ELF1: variants seen among roughly 807,000 people sequenced by gnomAD.
ELF1 encodes the protein E74 like ETS transcription factor 1, also known as ETS-related transcription factor Elf-1.
In ELF1, 24 loss-of-function variants were observed where a neutral mutation model predicts 59.9. That is an observed-to-expected ratio of 0.40 (90% CI 0.29 to 0.56). ELF1 has a LOEUF of 0.56. ELF1 is among the 20% of genes least tolerant of loss of function. The probability of loss-of-function intolerance (pLI) is 0.44; values close to 1 mark genes in which losing one functional copy is unlikely to be tolerated. For missense variants in ELF1, 627 were observed against 742.2 expected, an observed-to-expected ratio of 0.84 and a Z score of 1.80; for synonymous variants, 248 against 266.2, an observed-to-expected ratio of 0.93 and a Z score of 0.67.
At chr13:41,035,638 T>A (rs1876343142) in intron 1 of ELF1, among the ~76,000 whole-genome samples, 1 of 150,526 alleles carries the variant, frequency 6.6e-6, no homozygotes, top group Non-Finnish European at 1.5e-5. Flanking sequence ...TGACCCAGGG[T>A]CTATACCTCA....
upstream of ELF1, among the ~76,000 whole-genome samples, chr13:41,024,025 A>G (rs1400549344): frequency 6.6e-6 from 1 of 152,254 alleles, no homozygotes; most frequent in Non-Finnish European, 1.5e-5. Context: ...TGATATTAAA[A>G]ATAACCAAGA....
At chr13:41,051,668 TAAGATTAAACTGCAAATA>T (rs1877093578) in intron 1 of ELF1, among the ~76,000 whole-genome samples, 1 of 152,030 alleles carries the variant, frequency 6.6e-6, no homozygotes, top group South Asian at 2.1e-4. Context: ...CTTTAAGTAA[TAAGATTAAACTGCAAATA>T]AAGATTTACG....
intron 1 of ELF1, among the ~76,000 whole-genome samples, chr13:41,011,946 A>C (rs989997505): frequency 6.6e-6 from 1 of 152,132 alleles, no homozygotes; most frequent in Non-Finnish European, 1.5e-5. Context: ...CTACCGGTCA[A>C]ATTAAACATT....
chr13:40,937,957 C>T (rs1349948189), intron 8 of ELF1, among the ~76,000 whole-genome samples: 1 of 152,096 alleles, frequency 6.6e-6, no homozygotes, highest in Non-Finnish European at 1.5e-5. Context: ...GCTAGGATTA[C>T]AGGTGCCTGC....
At chr13:41,053,385 A>T (rs995289685) in intron 1 of ELF1, among the ~76,000 whole-genome samples, 1 of 152,102 alleles carries the variant, frequency 6.6e-6, no homozygotes, top group Non-Finnish European at 1.5e-5. Flanking sequence ...CATTAACATT[A>T]TATTTGACCA....
At chr13:41,006,191 AC>A (rs1233519769) in intron 1 of ELF1, among the ~76,000 whole-genome samples, 2 of 140,862 alleles carry the variant, frequency 1.4e-5, no homozygotes, top group African/African-American at 5.0e-5. Context: ...GTATTTTTCA[AC>A]CAGAAGGATC....
chr13:41,030,108 G>C (rs1186877079), intron 1 of ELF1, among the ~76,000 whole-genome samples: 1 of 151,620 alleles, frequency 6.6e-6, no homozygotes, highest in Non-Finnish European at 1.5e-5. Flanking sequence ...AAAGCTATAG[G>C]TTAGAAAAGC....
chr13:40,941,325 G>A lies in ELF1; in HGVS notation c.852C>T (p.Arg284=), dbSNP rs201199410. 5 of 1,610,166 alleles carry A rather than the reference G, an allele frequency of 3.1e-6. No individual in the cohort carries two copies. In the East Asian group the frequency reaches 8.9e-5, roughly 29 times the overall value. ...GCATTTCTTTAAACTGATACACCAA[G>A]CGCTGACCTTCCACTTTTGCCAGAA... is the stretch of plus-strand genomic sequence containing the variant. ...RGILAKVEGQ[R]LVYQFKEMPK... Residue 284 remains arginine (R), a synonymous_variant, in exon 8 of 9, where the codon CGC becomes CGT. Coordinates refer to ENST00000239882, the MANE Select transcript of ELF1 (RefSeq NM_172373.4).
intron 2 of ELF1, among the ~76,000 whole-genome samples, chr13:40,966,280 T>C (rs993184976): frequency 6.6e-6 from 1 of 152,216 alleles, no homozygotes; most frequent in African/African-American, 2.4e-5. Context: ...AATTTTCAAT[T>C]GTTTCATAAC....
intron 1 of ELF1, among the ~76,000 whole-genome samples, chr13:41,037,260 T>C (rs981077886): frequency 5.9e-5 from 9 of 152,308 alleles, no homozygotes; most frequent in African/African-American, 2.2e-4. Context: ...GTCTCTCTCC[T>C]GAAGGCGATT....
At chr13:41,034,592 A>G (rs1876297351) in intron 1 of ELF1, among the ~76,000 whole-genome samples, 1 of 152,170 alleles carries the variant, frequency 6.6e-6, no homozygotes, top group Non-Finnish European at 1.5e-5. Flanking sequence ...TTTGATTAAA[A>G]TGGTTTTATC....
chr13:40,936,105 C>T (rs1183150871), intron 8 of ELF1, among the ~76,000 whole-genome samples: 2 of 152,108 alleles, frequency 1.3e-5, no homozygotes, highest in Non-Finnish European at 2.9e-5. Flanking sequence ...AATATTATCC[C>T]CATCTTACAT....
intron 1 of ELF1, among the ~76,000 whole-genome samples, chr13:41,024,402 G>A (rs1277143948): frequency 3.3e-5 from 5 of 152,028 alleles, no homozygotes; most frequent in South Asian, 4.1e-4. Context: ...GCACCTCAGC[G>A]TAAAGCAATT....
chr13:41,060,330 T>TGC (rs1877478350), intron 1 of ELF1, among the ~76,000 whole-genome samples: 1 of 151,926 alleles, frequency 6.6e-6, no homozygotes, highest in African/African-American at 2.4e-5. Context: ...CCGTCCTGCA[T>TGC]AGGAAGAGTC....
intron 8 of ELF1, among the ~76,000 whole-genome samples, chr13:40,937,965 T>TGCCACCA (rs1291205975): frequency 6.6e-6 from 1 of 152,040 alleles, no homozygotes; most frequent in Admixed American, 6.6e-5. Flanking sequence ...TACAGGTGCC[T>TGCCACCA]GCCACCATAC....
intron 2 of ELF1, among the ~76,000 whole-genome samples, chr13:40,977,682 T>C (rs1363477245): frequency 6.6e-6 from 1 of 152,210 alleles, no homozygotes. Flanking sequence ...ACTTTTTAAC[T>C]TTAAAAAGTT....
chr13:40,989,891 C>T (rs1873751217), intron 1 of ELF1, among the ~76,000 whole-genome samples: 1 of 152,170 alleles, frequency 6.6e-6, no homozygotes, highest in Admixed American at 6.5e-5. Flanking sequence ...TCTGGATTAA[C>T]TATTCAATTT....
chr13:41,042,464 C>T (rs1005975049), intron 1 of ELF1, among the ~76,000 whole-genome samples: 1 of 152,078 alleles, frequency 6.6e-6, no homozygotes, highest in Non-Finnish European at 1.5e-5. Flanking sequence ...CCCACTCCCC[C>T]GACCCCACAA....
rs1184463557 is a variant in ELF1 at position 40,942,158 on chromosome 13, T to C, written c.807-788A>G. ...GACTTTTGTGTATAAAATTTAACCA[T>C]ATGCAATAGCAGTGATCCAACTTTT... On this transcript the variant is annotated intron_variant, in intron 7 of 8. Transcript: ENST00000239882. Among the ~76,000 whole-genome samples the C allele has an allele frequency of 2.6e-5, 4 of 152,226 alleles. No homozygotes were observed. The South Asian group carries it at 8.3e-4, about 31-fold the overall frequency.
Sources: gnomAD v4.1 joint callset for allele counts (sites outside exome capture counted in the v4.1 genomes callset) on GRCh38, gnomAD v4.1.1 for gene constraint, MANE v1.5 for transcripts, NCBI Gene and HGNC (gene_info 2026-07-23, HGNC 2026-07-21) for gene names.